The following URB1 variants were observed in gnomAD, a reference collection of about 807,000 sequenced individuals.
URB1 encodes nucleolar pre-ribosomal-associated protein 1.
Under a neutral mutation model 242.3 loss-of-function variants are expected in URB1, and 197 were observed. The observed-to-expected ratio is 0.81, with a 90% CI of 0.72 to 0.91. The LOEUF is 0.91. Ranked by LOEUF, URB1 falls within the 40% of genes least tolerant of loss-of-function variation. The probability of loss-of-function intolerance (pLI) is 0.00; values close to 1 mark genes in which losing one functional copy is unlikely to be tolerated. For synonymous variants in URB1, 1,153 were observed against 1,201.8 expected (o/e 0.96, Z 0.84); for missense variants, 2,721 against 2,860.5 (o/e 0.95, Z 1.11).
intron 13 of URB1, among the ~76,000 whole-genome samples, chr21:32,360,758 T>C (rs1171110816): frequency 2.6e-5 from 4 of 152,240 alleles, no homozygotes; most frequent in African/African-American, 4.8e-5. Flanking sequence ...GGGCCATTCA[T>C]GTAGGTTGCT....
intron 30 of URB1, among the ~76,000 whole-genome samples, chr21:32,330,073 C>T (rs1166664132): frequency 1.3e-5 from 2 of 152,128 alleles, no homozygotes; most frequent in African/African-American, 4.8e-5. Context: ...TTTGCCTCTT[C>T]CAATGAATGA....
chr21:32,322,336 T>G (rs1386157335), intron 33 of URB1, 142 bp downstream of exon 33: 1 of 740,466 alleles, frequency 1.4e-6, no homozygotes, highest in Non-Finnish European at 2.3e-6. Context: ...CATTCCGAAG[T>G]GCAGGCCTGC....
chr21:32,338,880 G>T lies in URB1; in HGVS notation c.4337C>A (p.Thr1446Lys). Residue 1446 changes from threonine (T) to lysine (K), a missense_variant, in exon 26 of 39, where the codon ACA (threonine) becomes AAA (lysine). Thr to Lys is a moderately conservative substitution (Grantham distance 78). Transcript: ENST00000382751. ...KGLKFRYQDH[T>K]FLKMLLTAVQ... ...GGCGGTGAGGAGCATCTTTAAAAAT[G>T]TGTGGTCCTGGTACCGAAATCTAGG... The T allele has an allele frequency of 6.5e-7, 1 of 1,547,070 alleles. No individual in the cohort carries two copies. Among genetic ancestry groups the T allele is most frequent in the Non-Finnish European group, 8.7e-7 (1 of 1,143,100 alleles).
At chr21:32,383,655 T>C in intron 3 of URB1, 101 bp from the exon 4 acceptor site, 1 of 1,247,590 alleles carries the variant, frequency 8.0e-7, no homozygotes, top group Non-Finnish European at 1.0e-6. Flanking sequence ...TTATTTGCTA[T>C]CCCCAAACCA....
In URB1 at chr21:32,338,840, G is replaced by A. The variant is rs371978585; in HGVS notation, c.4377C>T (p.Tyr1459=). The A allele has an allele frequency of 1.2e-5, 19 of 1,551,678 alleles. No individual in the cohort carries two copies. The African/African-American group carries it at 2.6e-4, about 21-fold the overall frequency. ...KMLLTAVQLL[Y]SPESSVRTKL... The stretch of plus-strand genomic sequence containing the variant: ...TCGTGCGCACGGAGCTTTCTGGGCT[G>A]TACAGGAGCTGTACGGCGGTGAGGA... The change falls in exon 26 of 39, where the codon TAC becomes TAT. Residue 1459 remains tyrosine, a synonymous_variant. Coordinates refer to ENST00000382751, the MANE Select transcript of URB1 (RefSeq NM_014825.3).
intron 30 of URB1, among the ~76,000 whole-genome samples, chr21:32,332,479 A>AC (rs1179235037): frequency 9.0e-6 from 1 of 110,832 alleles, no homozygotes; most frequent in Admixed American, 1.0e-4. Flanking sequence ...AAGAAAGACA[A>AC]AAAAAAAAAA....
Position 32,378,557 on chromosome 21 carries a change from G to A in URB1, c.568-16C>T. The A allele has an allele frequency of 6.5e-7, 1 of 1,546,778 alleles. No homozygotes were observed. The highest frequency in any genetic ancestry group is 1.2e-5 in the South Asian group (1 of 83,978). On this transcript the variant is annotated splice_polypyrimidine_tract_variant and intron_variant, in intron 4 of 38. Transcript: ENST00000382751. Reference sequence around the variant, plus strand: ...CGTACACTCCCTAGAGGACAAAGGAGACCTACATGTCACATGCATATTCCA... The same window carrying A: ...CGTACACTCCCTAGAGGACAAAGGAAACCTACATGTCACATGCATATTCCA...
chr21:32,382,736 C>G lies in URB1; in HGVS notation c.567+686G>C, dbSNP rs565689024. The stretch of plus-strand genomic sequence containing the variant: ...ATGGCAACCAGAAGAGGCCCTACGA[C>G]AGACAACCTGGAGCCAGCACACGCG... On this transcript the variant is annotated intron_variant, in intron 4 of 38. Coordinates refer to ENST00000382751, the MANE Select transcript of URB1 (RefSeq NM_014825.3). Among the ~76,000 whole-genome samples, 17 of 152,208 alleles carry G rather than the reference C, an allele frequency of 1.1e-4. 1 individual carries two copies. The South Asian group carries it at 3.5e-3, about 32-fold the overall frequency.
At chr21:32,360,545 C>A (rs2033271461) in intron 13 of URB1, among the ~76,000 whole-genome samples, 1 of 152,184 alleles carries the variant, frequency 6.6e-6, no homozygotes. Context: ...ACTTTACCAT[C>A]CAGGAAACAT....
rs186868204 is a variant in URB1, at chr21:32,337,177, C to T, written c.4622-20G>A. 6.9e-4 allele frequency: 1,071 copies of T among 1,551,602 alleles called. 6 individuals carry two copies. The African/African-American group carries it at 0.012, about 18-fold the overall frequency. On this transcript the variant is annotated intron_variant, in intron 27 of 38. Coordinates refer to ENST00000382751, the MANE Select transcript of URB1 (RefSeq NM_014825.3). ...TCTGATCTACAAGTCAAAGCAGGAT[C>T]GGTTTAGGAAGATGAACCCCTGACA... is the stretch of plus-strand genomic sequence containing the variant.
chr21:32,322,161 A>G (rs966300147), intron 33 of URB1, among the ~76,000 whole-genome samples: 2 of 152,222 alleles, frequency 1.3e-5, no homozygotes, highest in Non-Finnish European at 2.9e-5. Flanking sequence ...GAAGTCAGAT[A>G]AGTATTCTAT....
rs376691874 is a variant in URB1 at position 32,352,898 on chromosome 21, C to T, written c.2425G>A (p.Val809Ile). 35 of 1,545,428 alleles carry T rather than the reference C, an allele frequency of 2.3e-5. No homozygotes were observed. The highest frequency in any genetic ancestry group is 5.5e-5 in the African/African-American group (4 of 73,036). Residue 809 changes from valine to isoleucine, a missense_variant, in exon 19 of 39, where the codon GTT becomes ATT. Val to Ile is a conservative substitution (Grantham distance 29). Transcript: ENST00000382751. ...AGCACTGCCGTCAGATATGTCACAA[C>T]GTTTTCCGCTGCAAAGGAACGAGAT... ...LGTGNEAAEN[V>I]VTYLTAVLTD...
intron 20 of URB1, 33 bp downstream of exon 20, chr21:32,350,671 C>G (rs1020322677): frequency 3.2e-6 from 5 of 1,545,018 alleles, no homozygotes; most frequent in Middle Eastern, 1.8e-4. Flanking sequence ...TGGCAGAGCT[C>G]TGAAGCCTGT....
Position 32,314,535 on chromosome 21 carries a change from C to A in URB1, c.*383G>T, listed in dbSNP as rs1200920859. ...TCGTTTTCATAAAAAAAATCTGATA[C>A]CTTTTGACATTTCAGCTTTAACACA... On this transcript the variant is annotated 3_prime_UTR_variant, in exon 39 of 39. Coordinates refer to ENST00000382751, the MANE Select transcript of URB1 (RefSeq NM_014825.3). 1.2e-6 allele frequency: 2 copies of A among 1,606,706 alleles called. No homozygotes were observed. The highest frequency in any genetic ancestry group is 1.7e-4 in the Middle Eastern group (1 of 6,044).
At chr21:32,354,694 T>C (rs1408350955) in intron 17 of URB1, among the ~76,000 whole-genome samples, 165 bp downstream of exon 17, 1 of 152,208 alleles carries the variant, frequency 6.6e-6, no homozygotes, top group Non-Finnish European at 1.5e-5. Context: ...TCCCATTACA[T>C]GAACACATAA....
At chr21:32,366,837 A>C in intron 9 of URB1, 82 bp from the exon 10 acceptor site, 1 of 1,430,396 alleles carries the variant, frequency 7.0e-7, no homozygotes, top group African/African-American at 1.4e-5. Context: ...CCAAAGGTGA[A>C]GCCATTCAAT....
rs1197762218 is a variant in URB1, at chr21:32,314,811, T to C, written c.*107A>G. 3 of 1,479,090 alleles carry C rather than the reference T, an allele frequency of 2.0e-6. No homozygotes were observed. The highest frequency in any genetic ancestry group is 2.7e-6 in the Non-Finnish European group (3 of 1,097,044). The allele number at this position is 1,479,090 out of a possible 1,614,324, so 91.6% of individuals were successfully genotyped here. A position where few individuals can be genotyped will look rare whatever the true frequency, so the allele number is the denominator to read the frequency against. On this transcript the variant is annotated 3_prime_UTR_variant, in exon 39 of 39. Transcript: ENST00000382751. ...AACTGAGCCAATGTACTGAACCTGT[T>C]GTTTCCCATGCCTTCTCTGGAAACC...
At chr21:32,359,628 T>C (rs1319851265) in intron 14 of URB1, among the ~76,000 whole-genome samples, 168 bp downstream of exon 14, 2 of 152,248 alleles carry the variant, frequency 1.3e-5, no homozygotes, top group African/African-American at 2.4e-5. Flanking sequence ...CCAGGCCTCC[T>C]GGTTCATGAA....
At chr21:32,384,528 C>CTCCT (rs2033560575) in intron 2 of URB1, 64 bp from the exon 3 acceptor site, 2 of 1,507,586 alleles carry the variant, frequency 1.3e-6, no homozygotes, top group African/African-American at 2.8e-5. Context: ...TACATATATG[C>CTCCT]TCCTTTTGTC....
Sources: gnomAD v4.1 joint callset for allele counts (sites outside exome capture counted in the v4.1 genomes callset) on GRCh38, gnomAD v4.1.1 for gene constraint, MANE v1.5 for transcripts, NCBI Gene and HGNC (gene_info 2026-07-23, HGNC 2026-07-21) for gene names.